The following TEX2 variants were observed in gnomAD, a reference collection of about 807,000 sequenced individuals.
TEX2 encodes the protein testis expressed 2, also known as testis-expressed protein 2.
TEX2 carries 53 observed loss-of-function variants against 106.9 expected under a neutral mutation model. That is an observed-to-expected ratio of 0.50 (90% CI 0.40 to 0.62). The LOEUF (loss-of-function observed/expected upper bound fraction) is 0.62. TEX2 is among the 20% of genes least tolerant of loss of function. The probability of loss-of-function intolerance (pLI) is 0.00; values close to 1 mark genes in which losing one functional copy is unlikely to be tolerated. For missense variants in TEX2, 1,207 were observed against 1,379.0 expected, an observed-to-expected ratio of 0.88 and a Z score of 1.98; for synonymous variants, 523 against 534.8, an observed-to-expected ratio of 0.98 and a Z score of 0.30.
chr17:64,179,451 C>CT (rs2031755510), intron 5 of TEX2, among the ~76,000 whole-genome samples: 1 of 152,218 alleles, frequency 6.6e-6, no homozygotes, highest in Admixed American at 6.5e-5. Flanking sequence ...GGTGCCCTTA[C>CT]ACAGTGTGGA....
chr17:64,242,477 G>A (rs1266212993), intron 1 of TEX2: 1 of 152,152 alleles, frequency 6.6e-6, no homozygotes, highest in African/African-American at 2.4e-5. Context: ...CTACTTCTGG[G>A]TGGTGGAAAC....
chr17:64,255,104 G>A (rs1555637506), intron 1 of TEX2, among the ~76,000 whole-genome samples: 1 of 145,958 alleles, frequency 6.9e-6, no homozygotes. Flanking sequence ...GGCCTCAAGT[G>A]ATCCTCCACT....
intron 1 of TEX2, among the ~76,000 whole-genome samples, chr17:64,237,519 G>C (rs1293095174): frequency 6.6e-6 from 1 of 152,124 alleles, no homozygotes; most frequent in Non-Finnish European, 1.5e-5. Context: ...GTTCAGGAAG[G>C]TCAGTTAGAC....
intron 6 of TEX2, among the ~76,000 whole-genome samples, chr17:64,174,863 G>A (rs914711797): frequency 2.0e-5 from 3 of 152,174 alleles, no homozygotes; most frequent in East Asian, 1.9e-4. Context: ...CCCATCACTG[G>A]GCACCAGTTG....
chr17:64,153,865 G>A lies in TEX2; in HGVS notation c.2931-711C>T, dbSNP rs560526912. 1.1e-3 allele frequency among the ~76,000 whole-genome samples: 173 copies of A among 152,270 alleles called. No homozygotes were observed. The highest frequency in any genetic ancestry group is 2.0e-3 in the Admixed American group (30 of 15,304). On this transcript the variant is annotated intron_variant, in intron 9 of 11. Coordinates refer to ENST00000584379, the MANE Select transcript of TEX2 (RefSeq NM_001288732.2). The surrounding 1 kb of genome is among the most constrained non-coding windows in gnomAD (Gnocchi z 4.1). ...GAGGATCACTTGAGCCCAGGAGGTT[G>A]AGGCTGCATTGAGCTATGATCGTGC...
chr17:64,237,181 T>G (rs1555635215), intron 1 of TEX2, among the ~76,000 whole-genome samples: 1 of 151,942 alleles, frequency 6.6e-6, no homozygotes, highest in East Asian at 1.9e-4. Flanking sequence ...TCGAGCTGGC[T>G]AAGTGATGGC....
In TEX2 at chr17:64,205,224, G is replaced by A. The variant is rs1174652792; in HGVS notation, c.1644+7350C>T. ...CCCAGCAACTCTGGAGGCTGAGGCA[G>A]GAGAATTGCCTGAACCCGGGAGGCA... On this transcript the variant is annotated intron_variant, in intron 2 of 11. Coordinates refer to ENST00000584379, the MANE Select transcript of TEX2 (RefSeq NM_001288732.2). The surrounding 1 kb of genome is among the most constrained non-coding windows in gnomAD (Gnocchi z 4.0). 6.6e-6 allele frequency among the ~76,000 whole-genome samples: 1 copy of A among 152,164 alleles called. No homozygotes were observed. Among genetic ancestry groups the A allele is most frequent in the East Asian group, 1.9e-4 (1 of 5,200 alleles).
chr17:64,213,927 TC>T lies in TEX2; in HGVS notation c.290del (p.Gly97AspfsTer18). The T allele has an allele frequency of 1.2e-6, 2 of 1,614,166 alleles. No individual in the cohort carries two copies. The highest frequency in any genetic ancestry group is 1.7e-6 in the Non-Finnish European group (2 of 1,180,012). ...TGGCAGGGGCCTGGGACACGGACAG[TC>T]CATCTGCCAGGACAGGCGAGGCAGC... ...GPAASPVLAD[G>X]LSVSQAPAIL... is the part of the protein sequence containing the mutation. On this transcript the variant is annotated frameshift_variant, in exon 2 of 12. Transcript: ENST00000584379. LOFTEE classifies it high-confidence loss of function. The surrounding 1 kb of genome is among the most constrained non-coding windows in gnomAD (Gnocchi z 4.4).
intron 6 of TEX2, 66 bp downstream of exon 6, chr17:64,177,259 G>C (rs1227953760): frequency 1.6e-5 from 25 of 1,588,000 alleles, no homozygotes; most frequent in Non-Finnish European, 2.0e-5. Flanking sequence ...TAGGACATAA[G>C]GGTACAAAAT....
At chr17:64,177,574 G>A (rs2031666018) in intron 5 of TEX2, 103 bp from the exon 6 acceptor site, 4 of 1,181,194 alleles carry the variant, frequency 3.4e-6, no homozygotes, top group African/African-American at 1.5e-5. Context: ...ATAGAAACAG[G>A]AGACCACACG....
At chr17:64,174,047 A>G (rs1382454915) in intron 6 of TEX2, among the ~76,000 whole-genome samples, 1 of 151,704 alleles carries the variant, frequency 6.6e-6, no homozygotes, top group Non-Finnish European at 1.5e-5. Flanking sequence ...GGGTCTTACT[A>G]TGTTGCCTAG....
chr17:64,193,487 C>G, intron 4 of TEX2, 72 bp downstream of exon 4: 2 of 1,258,152 alleles, frequency 1.6e-6, no homozygotes, highest in Non-Finnish European at 2.1e-6. Flanking sequence ...TTCCTTCCTA[C>G]CTGGCATTCT....
intron 1 of TEX2, chr17:64,239,257 G>A (rs782794343): frequency 6.6e-6 from 1 of 152,156 alleles, no homozygotes; most frequent in African/African-American, 2.4e-5. Context: ...AGTTTTTTCT[G>A]TTATTACCTG....
chr17:64,151,474 T>C (rs2143589190), intron 10 of TEX2, among the ~76,000 whole-genome samples: 1 of 152,262 alleles, frequency 6.6e-6, no homozygotes, highest in African/African-American at 2.4e-5. Flanking sequence ...TGTTTTTTCA[T>C]CCTACACCCC....
intron 2 of TEX2, among the ~76,000 whole-genome samples, chr17:64,196,982 A>AATTTTTTTT (rs2032491461): frequency 1.6e-5 from 1 of 63,568 alleles, no homozygotes; most frequent in Non-Finnish European, 2.9e-5. Context: ...TCAAATCAAG[A>AATTTTTTTT]TTTTTTTTTT....
intron 1 of TEX2, among the ~76,000 whole-genome samples, chr17:64,219,521 A>AATTAAAT: frequency 6.8e-6 from 1 of 147,538 alleles, no homozygotes; most frequent in African/African-American, 2.5e-5. Flanking sequence ...ATAAAATAAA[A>AATTAAAT]TAAAATAAAA....
At chr17:64,222,329 G>A (rs1598199777) in intron 1 of TEX2, among the ~76,000 whole-genome samples, 1 of 152,056 alleles carries the variant, frequency 6.6e-6, no homozygotes, top group Middle Eastern at 3.4e-3. Context: ...GACCATCCTG[G>A]CCAACATGGT....
intron 5 of TEX2, among the ~76,000 whole-genome samples, chr17:64,186,042 G>C (rs2032059477): frequency 6.6e-6 from 1 of 152,202 alleles, no homozygotes; most frequent in South Asian, 2.1e-4. Context: ...TGACATCAGG[G>C]ACCCCAGTGA....
chr17:64,234,501 C>G (rs2033725627), intron 1 of TEX2, among the ~76,000 whole-genome samples: 1 of 152,096 alleles, frequency 6.6e-6, no homozygotes, highest in Non-Finnish European at 1.5e-5. Context: ...CAATTAGGAG[C>G]CCATTAAATA....
Sources: gnomAD v4.1 joint callset for allele counts (sites outside exome capture counted in the v4.1 genomes callset) on GRCh38, gnomAD v4.1.1 for gene constraint, Gnocchi (gnomAD v3.1) non-coding constraint, MANE v1.5 for transcripts, NCBI Gene and HGNC (gene_info 2026-07-23, HGNC 2026-07-21) for gene names.